The following RUNX2 variants were observed in gnomAD, a reference collection of about 807,000 sequenced individuals.
The protein encoded by RUNX2 is RUNX family transcription factor 2.
Under a neutral mutation model 51.7 loss-of-function variants are expected in RUNX2, and 10 were observed. The ratio of observed to expected loss-of-function variants is 0.19; its 90% CI spans 0.12 to 0.33. The LOEUF (loss-of-function observed/expected upper bound fraction) is 0.33, where lower values mean the gene tolerates loss of function less well. Among genes scored for constraint, RUNX2 ranks in the 10% least tolerant of loss-of-function variants. RUNX2 has a pLI of 1.00. For synonymous variants in RUNX2, 276 were observed against 273.6 expected (o/e 1.01, Z -0.09); for missense variants, 562 against 691.3 (o/e 0.81, Z 2.10).
At chr6:45,370,419 T>C (rs552503503) in intron 2 of RUNX2, among the ~76,000 whole-genome samples, 32 of 152,124 alleles carry the variant, frequency 2.1e-4, no homozygotes, top group African/African-American at 7.0e-4. Flanking sequence ...TGGGCCTATG[T>C]TAAGTTTGAG....
chr6:45,423,674 A>G (rs948206370), intron 3 of RUNX2, among the ~76,000 whole-genome samples: 2 of 150,624 alleles, frequency 1.3e-5, no homozygotes, highest in Admixed American at 6.6e-5. Flanking sequence ...GGACAAACCT[A>G]GGGTCTCCAG....
intron 6 of RUNX2, among the ~76,000 whole-genome samples, chr6:45,493,336 A>G (rs1249404322): frequency 6.6e-6 from 1 of 152,200 alleles, no homozygotes; most frequent in Non-Finnish European, 1.5e-5. Context: ...AGACTATATA[A>G]AACTTTAATC....
chr6:45,505,927 C>A (rs1421066926), intron 6 of RUNX2, among the ~76,000 whole-genome samples: 1 of 152,230 alleles, frequency 6.6e-6, no homozygotes, highest in Non-Finnish European at 1.5e-5. Flanking sequence ...TCGGTTGAAA[C>A]ACATGCTGAA....
At chr6:45,355,901 A>G (rs181261133) in intron 2 of RUNX2, among the ~76,000 whole-genome samples, 1 of 152,248 alleles carries the variant, frequency 6.6e-6, no homozygotes, top group East Asian at 1.9e-4. Flanking sequence ...AACCCCAAAA[A>G]TTTAATTTCC....
intron 5 of RUNX2, among the ~76,000 whole-genome samples, chr6:45,440,111 A>G (rs576772373): frequency 7.2e-5 from 11 of 152,304 alleles, no homozygotes; most frequent in Middle Eastern, 3.4e-3. Flanking sequence ...AACATTTCTT[A>G]TTAACTGAAA....
chr6:45,502,994 C>T (rs1244438718), intron 6 of RUNX2, among the ~76,000 whole-genome samples: 1 of 152,148 alleles, frequency 6.6e-6, no homozygotes, highest in East Asian at 1.9e-4. Flanking sequence ...ATGATATTGC[C>T]TTCTTCCCAG....
chr6:45,479,679 A>T (rs563158214), intron 5 of RUNX2, among the ~76,000 whole-genome samples: 1 of 152,356 alleles, frequency 6.6e-6, no homozygotes, highest in Admixed American at 6.5e-5. Context: ...TAAATAATTC[A>T]GCATGAAGCC....
chr6:45,396,313 A>G (rs892756119), intron 2 of RUNX2, among the ~76,000 whole-genome samples: 1 of 152,200 alleles, frequency 6.6e-6, no homozygotes, highest in Non-Finnish European at 1.5e-5. Flanking sequence ...GTATAATTCA[A>G]TGGCTTTAGT....
chr6:45,358,489 A>G (rs544958619), intron 2 of RUNX2, among the ~76,000 whole-genome samples: 326 of 152,316 alleles, frequency 2.1e-3, no homozygotes, highest in Admixed American at 3.8e-3. Flanking sequence ...TAAATTGCAA[A>G]TATTTCCCCC....
At position 45,504,989 on chromosome 6, in the gene RUNX2, A is replaced by G. The variant is rs151005183; in HGVS notation, c.860-7257A>G. ...ACTCCCTGCAGACAGCTTTGGCAGAATCACTGGCTGCCATGGTGTCCTGTT... is the reference window on the plus strand; with the variant it reads ...ACTCCCTGCAGACAGCTTTGGCAGAGTCACTGGCTGCCATGGTGTCCTGTT... On this transcript the variant is annotated intron_variant, in intron 6 of 8. Coordinates refer to ENST00000647337, the MANE Select transcript of RUNX2 (RefSeq NM_001024630.4). Among the ~76,000 whole-genome samples, 29 of 152,318 alleles carry G rather than the reference A, an allele frequency of 1.9e-4. No homozygotes were observed. In the Middle Eastern group the frequency reaches 0.02, roughly 107 times the overall value.
intron 3 of RUNX2, 28 bp downstream of exon 3, chr6:45,422,985 C>A (rs780333101): frequency 1.8e-5 from 29 of 1,597,852 alleles, no homozygotes; most frequent in Non-Finnish European, 2.2e-5. Flanking sequence ...CCCCCGCCCC[C>A]GGCCGGGAGC....
intron 2 of RUNX2, among the ~76,000 whole-genome samples, chr6:45,361,197 A>C (rs1794194141): frequency 6.6e-6 from 1 of 152,154 alleles, no homozygotes; most frequent in African/African-American, 2.4e-5. Context: ...TTCTGATTAA[A>C]ATTTTTTTAA....
chr6:45,491,440 T>C (rs1262186028), intron 5 of RUNX2, among the ~76,000 whole-genome samples: 1 of 152,142 alleles, frequency 6.6e-6, no homozygotes, highest in Admixed American at 6.6e-5. Context: ...AGAGTAGTTG[T>C]AACGTTAAAG....
rs148288885 is a variant in RUNX2 at position 45,494,195 on chromosome 6, C to T, written c.859+2081C>T. The stretch of plus-strand genomic sequence containing the variant: ...AGTGAGGCTCAGAGGAGGTGTGGGG[C>T]TCACCTGTGCCACAAATGCATCTGA... On this transcript the variant is annotated intron_variant, in intron 6 of 8. Coordinates refer to ENST00000647337, the MANE Select transcript of RUNX2 (RefSeq NM_001024630.4). Among the ~76,000 whole-genome samples the T allele has an allele frequency of 5.9e-4, 90 of 152,302 alleles. 4 individuals carry two copies. The Middle Eastern group carries it at 0.017, about 29-fold the overall frequency.
chr6:45,465,930 G>A (rs1582140740), intron 5 of RUNX2, among the ~76,000 whole-genome samples: 1 of 151,988 alleles, frequency 6.6e-6, no homozygotes, highest in Admixed American at 6.6e-5. Context: ...ATAGGCGTGA[G>A]CGACTGTACC....
At chr6:45,406,137 T>A (rs1797828806) in intron 2 of RUNX2, among the ~76,000 whole-genome samples, 6 of 152,220 alleles carry the variant, frequency 3.9e-5, no homozygotes, top group Admixed American at 3.9e-4. Flanking sequence ...AAGTCTATGA[T>A]ATGATCATAA....
chr6:45,526,711 C>A (rs1379583637), intron 7 of RUNX2, among the ~76,000 whole-genome samples: 2 of 152,206 alleles, frequency 1.3e-5, no homozygotes, highest in Non-Finnish European at 2.9e-5. Context: ...GGAACTTTTT[C>A]TATTGGCATA....
At chr6:45,463,729 A>C (rs1402359114) in intron 5 of RUNX2, among the ~76,000 whole-genome samples, 1 of 152,070 alleles carries the variant, frequency 6.6e-6, no homozygotes, top group Non-Finnish European at 1.5e-5. Flanking sequence ...TTTATTCATT[A>C]TTCTGGGTCA....
chr6:45,530,258 T>A (rs1412515220), intron 7 of RUNX2, among the ~76,000 whole-genome samples: 1 of 152,192 alleles, frequency 6.6e-6, no homozygotes, highest in Non-Finnish European at 1.5e-5. Flanking sequence ...AAACTGCAAA[T>A]TATAGAATGT....
Sources: allele counts gnomAD v4.1 joint callset (sites outside exome capture counted in the v4.1 genomes callset), GRCh38; gene constraint gnomAD v4.1.1; transcripts MANE v1.5; gene names NCBI Gene and HGNC (gene_info 2026-07-23, HGNC 2026-07-21).